The following MYO10 variants were observed in gnomAD, a reference collection of about 807,000 sequenced individuals.
The protein encoded by MYO10 is myosin X.
A neutral mutation model predicts 257.3 loss-of-function variants in MYO10; 133 were observed. That is an observed-to-expected ratio of 0.52 (90% CI 0.45 to 0.60). The LOEUF (loss-of-function observed/expected upper bound fraction) is 0.60. Among genes scored for constraint, MYO10 ranks in the 20% least tolerant of loss-of-function variants. The probability of loss-of-function intolerance (pLI) is 0.00; values close to 1 mark genes in which losing one functional copy is unlikely to be tolerated. For synonymous variants in MYO10, 1,104 were observed against 1,028.6 expected (o/e 1.07, Z -1.40); for missense variants, 2,399 against 2,635.7 (o/e 0.91, Z 1.97).
chr5:16,796,229 G>A (rs1741946330), intron 3 of MYO10, among the ~76,000 whole-genome samples: 1 of 110,528 alleles, frequency 9.0e-6, no homozygotes, highest in Admixed American at 9.8e-5. Flanking sequence ...GAGCGAGAAA[G>A]AGAAAGAGCG....
chr5:16,783,130 C>T (rs566794639), intron 5 of MYO10, among the ~76,000 whole-genome samples: 126 of 152,270 alleles, frequency 8.3e-4, no homozygotes, highest in Middle Eastern at 3.4e-3. Flanking sequence ...CCTGGCCTGA[C>T]GATGAAGGGG....
At chr5:16,806,237 C>T (rs752000620) in intron 3 of MYO10, among the ~76,000 whole-genome samples, 36 of 151,612 alleles carry the variant, frequency 2.4e-4, no homozygotes, top group Non-Finnish European at 4.6e-4. Context: ...GTAATCCCAG[C>T]TACTGGGGAT....
Position 16,701,240 on chromosome 5 carries a change from A to G in MYO10, c.3155T>C (p.Leu1052Pro), listed in dbSNP as rs779887187. Reference protein sequence around the residue: ...PTSPSADSTVLLAPSVQDSGS... With the variant: ...PTSPSADSTVPLAPSVQDSGS... ...GGAGTCCTGCACTGATGGGGCGAGCAGCACCGTGCTGTCCGCACTGGGGCT... is the reference window on the plus strand; with the variant it reads ...GGAGTCCTGCACTGATGGGGCGAGCGGCACCGTGCTGTCCGCACTGGGGCT... The change falls in exon 25 of 41, where the codon CTG becomes CCG. Residue 1052 changes from leucine (L) to proline (P), a missense_variant. This residue lies in a region of MYO10 where 1,820 missense variants were observed against 1,939.4 expected (regional missense o/e 0.94). Coordinates refer to ENST00000513610, the MANE Select transcript of MYO10 (RefSeq NM_012334.3). The surrounding 1 kb of genome is among the most constrained non-coding windows in gnomAD (Gnocchi z 8.1). The G allele has an allele frequency of 6.2e-6, 10 of 1,613,066 alleles. No homozygotes were observed. In the East Asian group the frequency reaches 2.2e-4, roughly 36 times the overall value.
intron 3 of MYO10, among the ~76,000 whole-genome samples, chr5:16,802,626 C>T (rs993342943): frequency 1.4e-5 from 2 of 138,220 alleles, no homozygotes; most frequent in East Asian, 2.2e-4. Context: ...CACTGCACTC[C>T]AGCCTGGGGG....
Position 16,701,829 on chromosome 5 carries a change from T to C in MYO10, c.2566A>G (p.Thr856Ala). The change falls in exon 25 of 41, where the codon ACG becomes GCG. Residue 856 changes from threonine (T) to alanine (A), a missense_variant. By Grantham distance (58) the Thr-to-Ala change is moderately conservative. Around this residue, in one of 3 missense-constraint regions of MYO10, gnomAD observed 1,820 missense variants for 1,939.4 expected, o/e 0.94. Coordinates refer to ENST00000513610, the MANE Select transcript of MYO10 (RefSeq NM_012334.3). The surrounding 1 kb of genome is among the most constrained non-coding windows in gnomAD (Gnocchi z 8.1). ...AELRAQQEEE[T>A]RKQQELEALQ... ...GCTTCGAGTTCTTGCTGCTTCCTCG[T>C]TTCTTCTTCCTGGACAGAAGCAGAA... is the stretch of plus-strand genomic sequence containing the variant. The C allele has an allele frequency of 6.2e-7, 1 of 1,602,104 alleles. No individual in the cohort carries two copies. The highest frequency in any genetic ancestry group is 1.7e-5 in the Admixed American group (1 of 57,470).
chr5:16,933,168 G>A (rs1746338260), intron 1 of MYO10, among the ~76,000 whole-genome samples: 1 of 152,198 alleles, frequency 6.6e-6, no homozygotes, highest in Admixed American at 6.5e-5. Flanking sequence ...GATCTCAACT[G>A]GGAGTGATTT....
At chr5:16,860,799 C>G (rs1399529399) in intron 2 of MYO10, among the ~76,000 whole-genome samples, 1 of 147,900 alleles carries the variant, frequency 6.8e-6, no homozygotes, top group Non-Finnish European at 1.5e-5. Flanking sequence ...GGGAGCTATT[C>G]CAAATCAACG....
intron 39 of MYO10, among the ~76,000 whole-genome samples, chr5:16,668,740 C>G (rs1459302266): frequency 6.6e-6 from 1 of 152,204 alleles, no homozygotes; most frequent in African/African-American, 2.4e-5. Context: ...CAGCATTATT[C>G]TACTAGCTGT....
At chr5:16,755,357 C>T (rs1193458136) in intron 18 of MYO10, among the ~76,000 whole-genome samples, 9 of 152,076 alleles carry the variant, frequency 5.9e-5, no homozygotes, top group African/African-American at 9.7e-5. Context: ...AGTGGAGATG[C>T]GGTTTCACCG....
chr5:16,702,339 CTT>C lies in MYO10; in HGVS notation c.2556+202_2556+203del, dbSNP rs533978523. ...TATACCGATTTAGAGAAATTATACTCTTGTGATGCACACTAAAACCTCAGCCA... is the reference window on the plus strand; with the variant it reads ...TATACCGATTTAGAGAAATTATACTCGTGATGCACACTAAAACCTCAGCCA... On this transcript the variant is annotated intron_variant, in intron 24 of 40. Coordinates refer to ENST00000513610, the MANE Select transcript of MYO10 (RefSeq NM_012334.3). 7.3e-3 allele frequency among the ~76,000 whole-genome samples: 1,115 copies of C among 152,348 alleles called. 3 individuals are homozygous for C. The highest frequency in any genetic ancestry group is 0.01 in the Non-Finnish European group (705 of 68,036).
At chr5:16,840,572 G>C (rs1463685866) in intron 2 of MYO10, among the ~76,000 whole-genome samples, 1 of 152,046 alleles carries the variant, frequency 6.6e-6, no homozygotes, top group East Asian at 1.9e-4. Context: ...TGGCACTTAT[G>C]ACTCTTATGA....
chr5:16,747,938 A>G (rs1415162316), intron 19 of MYO10, among the ~76,000 whole-genome samples: 33 of 121,178 alleles, frequency 2.7e-4, no homozygotes, highest in South Asian at 4.2e-4. Flanking sequence ...AAAAAAAAAA[A>G]AAAAAAAAGA....
In MYO10 at chr5:16,666,696, C is replaced by T; in HGVS notation, c.6173G>A (p.Arg2058Lys). ...TRSASSQGSS[R>K] ...CAGGTGGGCTCTGTCCCGCCTTCACCTGGAGCTGCCCTGGCTGCTGGCGGA... is the reference window on the plus strand; with the variant it reads ...CAGGTGGGCTCTGTCCCGCCTTCACTTGGAGCTGCCCTGGCTGCTGGCGGA... Residue 2058 changes from arginine to lysine, a missense_variant, in exon 41 of 41, where the codon AGG (arginine) becomes AAG (lysine). By Grantham distance (26) the Arg-to-Lys change is conservative. Around this residue, in one of 3 missense-constraint regions of MYO10, gnomAD observed 1,820 missense variants for 1,939.4 expected, o/e 0.94. Transcript: ENST00000513610. 1 of 1,600,436 alleles carries T rather than the reference C, an allele frequency of 6.2e-7. No individual in the cohort carries two copies. Among genetic ancestry groups the T allele is most frequent in the Middle Eastern group, 1.7e-4 (1 of 6,052 alleles).
At chr5:16,714,367 G>A (rs1738756179) in intron 19 of MYO10, among the ~76,000 whole-genome samples, 4 of 152,104 alleles carry the variant, frequency 2.6e-5, no homozygotes, top group African/African-American at 7.2e-5. Flanking sequence ...ATGGAACAGA[G>A]GGGGAAGGAC....
At chr5:16,778,802 T>TGCCTCA (rs1189161903) in intron 9 of MYO10, among the ~76,000 whole-genome samples, 4 of 149,622 alleles carry the variant, frequency 2.7e-5, no homozygotes, top group Non-Finnish European at 5.9e-5. Context: ...GCCATTCTCC[T>TGCCTCA]GCCTCAGCCT....
intron 19 of MYO10, among the ~76,000 whole-genome samples, chr5:16,734,040 C>A (rs998681837): frequency 4.0e-5 from 6 of 151,368 alleles, no homozygotes; most frequent in Non-Finnish European, 8.8e-5. Context: ...CCTGAGAATT[C>A]GTATGAAAGA....
chr5:16,674,729 C>T, intron 35 of MYO10, 124 bp downstream of exon 35: 3 of 1,129,770 alleles, frequency 2.7e-6, no homozygotes, highest in Non-Finnish European at 3.8e-6. Flanking sequence ...CAAGTCTGAC[C>T]CAGAGGTCCC....
intron 18 of MYO10, 75 bp downstream of exon 18, chr5:16,758,043 T>C (rs1738475748): frequency 8.9e-7 from 1 of 1,127,518 alleles, no homozygotes; most frequent in Middle Eastern, 2.0e-4. Flanking sequence ...AGACTTCACA[T>C]ACACCCAAAT....
chr5:16,754,914 A>AAT lies in MYO10; in HGVS notation c.1849-7_1849-6insAT. 2.6e-6 allele frequency: 4 copies of AAT among 1,556,636 alleles called. No individual in the cohort carries two copies. Among genetic ancestry groups the AAT allele is most frequent in the Non-Finnish European group, 3.5e-6 (4 of 1,145,234 alleles). On this transcript the variant is annotated splice_polypyrimidine_tract_variant and splice_region_variant and intron_variant, in intron 18 of 40. Coordinates refer to ENST00000513610, the MANE Select transcript of MYO10 (RefSeq NM_012334.3). Reference sequence around the variant, plus strand: ...ATTAAGGAATGCAGTGAGTCCTATTAGAAAAAGTATATGTTGATTTAGTCT... The same window carrying AAT: ...ATTAAGGAATGCAGTGAGTCCTATTAATGAAAAAGTATATGTTGATTTAGTCT...
Sources: gnomAD v4.1 joint callset for allele counts (sites outside exome capture counted in the v4.1 genomes callset) on GRCh38, gnomAD v4.1.1 for gene constraint, gnomAD v4.1.1 regional missense constraint, Gnocchi (gnomAD v3.1) non-coding constraint, MANE v1.5 for transcripts, NCBI Gene and HGNC (gene_info 2026-07-23, HGNC 2026-07-21) for gene names.